RPS2: variants seen among roughly 807,000 people sequenced by gnomAD.
RPS2 encodes ribosomal protein S2.
A neutral mutation model predicts 25.3 loss-of-function variants in RPS2; 8 were observed. The observed-to-expected ratio is 0.32, with a 90% CI of 0.19 to 0.57. The LOEUF is 0.57. Among genes scored for constraint, RPS2 ranks in the 20% least tolerant of loss-of-function variants. RPS2 has a pLI of 0.90. For synonymous variants in RPS2, 181 were observed against 161.3 expected, an observed-to-expected ratio of 1.12 and a Z score of -0.92; for missense variants, 229 against 408.1, an observed-to-expected ratio of 0.56 and a Z score of 3.78.
At chr16:1,963,031 G>C (rs762805455) in intron 4 of RPS2, 118 bp downstream of exon 4, 1 of 1,375,562 alleles carries the variant, frequency 7.3e-7, no homozygotes, top group Non-Finnish European at 1.0e-6. Context: ...AGGTCCTGAG[G>C]AGATCTTTTC....
In RPS2 at chr16:1,963,624, A is replaced by G. The variant is rs545192904; in HGVS notation, c.268-368T>C. Reference sequence around the variant, plus strand: ...GTGTAACCGCCCACCCCGCCCAAAAAAAACCGAAGAAGTCATGAACCCCCT... The same window carrying G: ...GTGTAACCGCCCACCCCGCCCAAAAGAAACCGAAGAAGTCATGAACCCCCT... On this transcript the variant is annotated intron_variant, in intron 3 of 6. Coordinates refer to ENST00000343262, the MANE Select transcript of RPS2 (RefSeq NM_002952.4). 79 of 329,952 alleles carry G rather than the reference A, an allele frequency of 2.4e-4. 2 individuals carry two copies. Among genetic ancestry groups the G allele is most frequent in the South Asian group, 1.7e-3 (75 of 44,098 alleles). 20.4% of individuals were successfully genotyped at this position (329,952 alleles called of 1,614,324 possible).
intron 3 of RPS2, chr16:1,963,792 T>G: frequency 2.2e-6 from 1 of 457,886 alleles, no homozygotes; most frequent in South Asian, 1.5e-5. Flanking sequence ...CACTCAGATT[T>G]CCTTTTGCTT....
upstream of RPS2, chr16:1,964,826 GAAC>G (rs1442437733): frequency 3.3e-5 from 18 of 537,644 alleles, no homozygotes; most frequent in Non-Finnish European, 5.2e-5. Flanking sequence ...CGGAAAAGAA[GAAC>G]GAGACCTACT....
intron 3 of RPS2, chr16:1,964,046 C>T: frequency 1.8e-6 from 1 of 564,004 alleles, no homozygotes; most frequent in Non-Finnish European, 3.2e-6. Context: ...GAATTCGCTG[C>T]GAATGTGGGA....
rs141689936 is a variant in RPS2 at position 1,962,919 on chromosome 16, GAT to G, written c.376-12_376-11del. 2.3e-3 allele frequency: 3,623 copies of G among 1,598,284 alleles called. 26 individuals carry two copies. Among genetic ancestry groups the G allele is most frequent in the Middle Eastern group, 0.016 (99 of 6,058 alleles). On this transcript the variant is annotated splice_polypyrimidine_tract_variant and intron_variant, in intron 4 of 6. Transcript: ENST00000343262. Reference sequence around the variant, plus strand: ...CGATAGCAACAAATGCCTGCGAAAAGATGTGTGTGAGGCAGCTGGTGGCCCTA... The same window carrying G: ...CGATAGCAACAAATGCCTGCGAAAAGGTGTGTGAGGCAGCTGGTGGCCCTA...
In RPS2 at chr16:1,962,229, G is replaced by C. The variant is rs1452021980; in HGVS notation, c.751C>G (p.Leu251Val). 1 of 1,611,622 alleles carries C rather than the reference G, an allele frequency of 6.2e-7. No individual in the cohort carries two copies. Among genetic ancestry groups the C allele is most frequent in the Non-Finnish European group, 8.5e-7 (1 of 1,179,526 alleles). The change falls in exon 7 of 7, where the codon CTG becomes GTG. Residue 251 changes from leucine to valine, a missense_variant. Leu to Val is a conservative substitution (Grantham distance 32, BLOSUM62 1). Coordinates refer to ENST00000343262, the MANE Select transcript of RPS2 (RefSeq NM_002952.4). ...FDAISKTYSYLTPDLWKETVF... is the reference protein window; with the variant it reads ...FDAISKTYSYVTPDLWKETVF... ...GTCTCCTTCCAGAGGTCGGGGGTCA[G>C]GTAGCTGTAGGTCTTAGAAATGGCA...
intron 2 of RPS2, 34 bp downstream of exon 2, chr16:1,964,415 C>T: frequency 6.2e-7 from 1 of 1,612,876 alleles, no homozygotes; most frequent in Non-Finnish European, 8.5e-7. Flanking sequence ...CGGCGCCGCC[C>T]AGGGGCCCGA....
In RPS2 at chr16:1,964,482, G is replaced by T; in HGVS notation, c.144C>A (p.Arg48=). The change falls in exon 2 of 7, where the codon CGC becomes CGA. Residue 48 remains arginine, a synonymous_variant. Transcript: ENST00000343262. ...RGRGRGRGRG[R]GARGGKAEDK... The stretch of plus-strand genomic sequence containing the variant: ...CCTCGGCCTTGCCTCCGCGAGCTCC[G>T]CGGCCTCGGCCCCGGCCCCGTCCAC... 2.5e-6 allele frequency: 4 copies of T among 1,608,212 alleles called. No individual in the cohort carries two copies. Among genetic ancestry groups the T allele is most frequent in the Non-Finnish European group, 3.4e-6 (4 of 1,178,480 alleles).
intron 4 of RPS2, 51 bp from the exon 5 acceptor site, chr16:1,962,960 C>T (rs760913505): frequency 1.3e-6 from 2 of 1,579,138 alleles, no homozygotes; most frequent in East Asian, 4.5e-5. Flanking sequence ...CCAATCACTG[C>T]CCACCGCCCA....
Position 1,962,289 on chromosome 16 carries a change from C to A in RPS2, c.710-19G>T. 1 of 1,610,510 alleles carries A rather than the reference C, an allele frequency of 6.2e-7. No individual in the cohort carries two copies. Among genetic ancestry groups the A allele is most frequent in the Non-Finnish European group, 8.5e-7 (1 of 1,177,016 alleles). On this transcript the variant is annotated intron_variant, in intron 6 of 6. Coordinates refer to ENST00000343262, the MANE Select transcript of RPS2 (RefSeq NM_002952.4). ...GCCTTGGCTGCAAAACAAAAGAACCCCAGGAGGGTCAGTGGTGTGCTTGAG... is the reference window on the plus strand; with the variant it reads ...GCCTTGGCTGCAAAACAAAAGAACCACAGGAGGGTCAGTGGTGTGCTTGAG...
chr16:1,963,927 G>A (rs1315241222), intron 3 of RPS2: 1 of 392,238 alleles, frequency 2.5e-6, no homozygotes, highest in Admixed American at 3.5e-5. Context: ...CCGTACACGC[G>A]GACTATGACA....
In RPS2 at chr16:1,962,763, G is replaced by A. The variant is rs770479865; in HGVS notation, c.522C>T (p.Ile174=). 32 of 1,606,630 alleles carry A rather than the reference G, an allele frequency of 2.0e-5. No individual in the cohort carries two copies. The highest frequency in any genetic ancestry group is 1.8e-4 in the Middle Eastern group (1 of 5,578). The change falls in exon 5 of 7, where the codon ATC becomes ATT. Residue 174 remains isoleucine, a synonymous_variant. Transcript: ENST00000343262. ...PVRRGYWGNK[I]GKPHTVPCKV... is the part of the protein sequence containing the mutation. ...TGCAAGGGACAGTGTGGGGCTTGCC[G>A]ATCTTGTTCCCCCAGTAGCCTCTGC...
intron 4 of RPS2, 85 bp downstream of exon 4, chr16:1,963,064 C>T (rs1435211127): frequency 7.2e-7 from 1 of 1,384,914 alleles, no homozygotes; most frequent in Non-Finnish European, 1.0e-6. Context: ...TTACGAAAGT[C>T]ACACGGGTGA....
intron 1 of RPS2, 25 bp downstream of exon 1, chr16:1,964,782 C>A (rs2083291948): frequency 5.4e-6 from 3 of 552,138 alleles, no homozygotes; most frequent in South Asian, 2.4e-5. Context: ...CGCAGAGGCC[C>A]GCTGCAGCGA....
intron 3 of RPS2, 111 bp downstream of exon 3, chr16:1,964,165 G>C: frequency 1.2e-6 from 1 of 808,950 alleles, no homozygotes; most frequent in Non-Finnish European, 2.1e-6. Context: ...AACCTCTCAC[G>C]CGAGACGCTG....
At chr16:1,963,893 C>T (rs1210867752) in intron 3 of RPS2, 3 of 415,728 alleles carry the variant, frequency 7.2e-6, no homozygotes, top group South Asian at 1.7e-5. Flanking sequence ...CCACTGCACC[C>T]GCTGGATGCA....
intron 3 of RPS2, 73 bp downstream of exon 3, chr16:1,964,203 T>C (rs1307212779): frequency 2.7e-6 from 3 of 1,119,360 alleles, no homozygotes; most frequent in East Asian, 2.4e-5. Context: ...CAATGGCAGA[T>C]GCTAATCCTC....
intron 6 of RPS2, 52 bp from the exon 7 acceptor site, chr16:1,962,322 C>A (rs2083263726): frequency 6.5e-7 from 1 of 1,549,020 alleles, no homozygotes; most frequent in East Asian, 2.2e-5. Context: ...GAGGCAAGTC[C>A]CCCAACCCAA....
At chr16:1,963,054 TTACGAAAGTCACACGGG>T (rs1176917210) in intron 4 of RPS2, 78 bp downstream of exon 4, 8 of 1,371,268 alleles carry the variant, frequency 5.8e-6, no homozygotes, top group Non-Finnish European at 8.3e-6. Flanking sequence ...TCTCTCCCCG[TTACGAAAGTCACACGGG>T]TGAAGCCAAG....
Sources: gnomAD v4.1 joint callset for allele counts on GRCh38, gnomAD v4.1.1 for gene constraint, MANE v1.5 for transcripts, NCBI Gene and HGNC (gene_info 2026-07-23, HGNC 2026-07-21) for gene names.